Variants in MIPOL1 observed in about 807,000 individuals in gnomAD.
The protein encoded by MIPOL1 is mirror-image polydactyly gene 1 protein.
A neutral mutation model predicts 60.9 loss-of-function variants in MIPOL1; 57 were observed. The ratio of observed to expected loss-of-function variants is 0.94; its 90% CI spans 0.76 to 1.17. The LOEUF (loss-of-function observed/expected upper bound fraction) is 1.17. Among genes scored for constraint, MIPOL1 ranks in the 50% most tolerant of loss-of-function variants. The probability of loss-of-function intolerance (pLI) is 0.00; values close to 1 mark genes in which losing one functional copy is unlikely to be tolerated. For synonymous variants in MIPOL1, 179 were observed against 168.8 expected (o/e 1.06, Z -0.47); for missense variants, 551 against 511.6 (o/e 1.08, Z -0.74).
chr14:37,385,890 G>A (rs902068945), intron 10 of MIPOL1: 7 of 152,068 alleles, frequency 4.6e-5, no homozygotes, highest in South Asian at 4.2e-4. Flanking sequence ...GAACCAAAGT[G>A]GCCTAACATA....
At chr14:37,385,719 T>A (rs974850325) in intron 10 of MIPOL1, 21 of 151,908 alleles carry the variant, frequency 1.4e-4, no homozygotes, top group East Asian at 5.8e-4. Flanking sequence ...AACCATTTTT[T>A]AAAAAAAAGA....
At chr14:37,382,119 CT>C (rs2092940612) in intron 10 of MIPOL1, among the ~76,000 whole-genome samples, 1 of 151,938 alleles carries the variant, frequency 6.6e-6, no homozygotes. Context: ...ATGGTGAATG[CT>C]GGTCAAATGA....
Position 37,500,080 on chromosome 14 carries a change from G to A in MIPOL1, c.1204G>A (p.Glu402Lys), listed in dbSNP as rs1303904063. The A allele has an allele frequency of 2.5e-6, 4 of 1,613,584 alleles. No homozygotes were observed. In the African/African-American group the frequency reaches 5.3e-5, roughly 22 times the overall value. The change falls in exon 12 of 13, where the codon GAA (glutamate) becomes AAA (lysine). Residue 402 changes from glutamate (E) to lysine (K), a missense_variant. Transcript: ENST00000684589. Reference sequence around the variant, plus strand: ...AGCTCTGACAGAGCGAGCAAATATGGAATTACAACTTCAACATGCCAGAGA... The same window carrying A: ...AGCTCTGACAGAGCGAGCAAATATGAAATTACAACTTCAACATGCCAGAGA... ...QQALTERANM[E>K]LQLQHAREAS...
chr14:37,420,429 G>T (rs759825269), intron 10 of MIPOL1, among the ~76,000 whole-genome samples: 3 of 152,134 alleles, frequency 2.0e-5, no homozygotes, highest in Non-Finnish European at 4.4e-5. Context: ...GGAATAGGAT[G>T]CCTGAAAGAA....
chr14:37,473,643 A>T (rs956911452), intron 11 of MIPOL1, among the ~76,000 whole-genome samples: 6 of 152,158 alleles, frequency 3.9e-5, no homozygotes, highest in African/African-American at 1.4e-4. Flanking sequence ...GAGTTCCCAC[A>T]TAACCTCCCC....
chr14:37,224,553 G>C (rs1969376451), intron 1 of MIPOL1, among the ~76,000 whole-genome samples: 1 of 152,124 alleles, frequency 6.6e-6, no homozygotes. Context: ...ATCAGATCTT[G>C]TGAGACTTAT....
intron 11 of MIPOL1, among the ~76,000 whole-genome samples, chr14:37,487,416 C>G (rs771200364): frequency 6.6e-6 from 1 of 152,092 alleles, no homozygotes; most frequent in Non-Finnish European, 1.5e-5. Flanking sequence ...GGAATGGTAC[C>G]AGCTCTTCTT....
At chr14:37,516,205 C>T (rs2095368158) in intron 12 of MIPOL1, among the ~76,000 whole-genome samples, 1 of 152,114 alleles carries the variant, frequency 6.6e-6, no homozygotes, top group African/African-American at 2.4e-5. Context: ...ATGTGGTGTT[C>T]ATTTTTAAAT....
At chr14:37,350,944 C>A (rs1302969447) in intron 9 of MIPOL1, among the ~76,000 whole-genome samples, 1 of 151,962 alleles carries the variant, frequency 6.6e-6, no homozygotes, top group Non-Finnish European at 1.5e-5. Flanking sequence ...TTCTAGGGTA[C>A]ATGTGCACAT....
chr14:37,285,180 G>C, intron 6 of MIPOL1, 138 bp from the exon 7 acceptor site: 1 of 828,624 alleles, frequency 1.2e-6, no homozygotes, highest in East Asian at 2.8e-5. Context: ...AATATTTTAT[G>C]AATTGATTGA....
At chr14:37,427,887 A>G (rs2093992187) in intron 11 of MIPOL1, among the ~76,000 whole-genome samples, 1 of 152,184 alleles carries the variant, frequency 6.6e-6, no homozygotes, top group Middle Eastern at 3.2e-3. Context: ...GGAAATGAAA[A>G]GGTTCCATTT....
At chr14:37,291,373 T>C (rs2085039338) in intron 7 of MIPOL1, among the ~76,000 whole-genome samples, 1 of 152,222 alleles carries the variant, frequency 6.6e-6, no homozygotes, top group Admixed American at 6.5e-5. Context: ...TGATTGTGAA[T>C]CTTTCCTTTA....
chr14:37,333,614 G>A (rs1281755772), intron 9 of MIPOL1, among the ~76,000 whole-genome samples: 1 of 152,076 alleles, frequency 6.6e-6, no homozygotes, highest in Non-Finnish European at 1.5e-5. Flanking sequence ...AATATCAGAT[G>A]AAGTAGGCTT....
intron 11 of MIPOL1, among the ~76,000 whole-genome samples, chr14:37,480,509 G>T (rs1466005268): frequency 6.7e-6 from 1 of 149,062 alleles, no homozygotes; most frequent in Non-Finnish European, 1.5e-5. Context: ...ATCCTTTCAT[G>T]ATTAAAAAAA....
At position 37,477,362 on chromosome 14, in the gene MIPOL1, G is replaced by T. The variant is rs77106110; in HGVS notation, c.1032-22546G>T. ...CAGTGGGCCTGGTGCTTCCATTTTT[G>T]GAATGTTATTGATTATTTTATTGAA... On this transcript the variant is annotated intron_variant, in intron 11 of 12. Transcript: ENST00000684589. Among the ~76,000 whole-genome samples the T allele has an allele frequency of 8.2e-3, 1,243 of 151,840 alleles. 12 individuals carry two copies. Among genetic ancestry groups the T allele is most frequent in the Middle Eastern group, 0.014 (4 of 292 alleles).
At chr14:37,235,110 A>G (rs867204932) in intron 1 of MIPOL1, among the ~76,000 whole-genome samples, 3 of 152,124 alleles carry the variant, frequency 2.0e-5, no homozygotes, top group East Asian at 1.9e-4. Context: ...CTTAAAGCCT[A>G]TGTTCCCAAA....
chr14:37,337,965 C>G (rs185383363), intron 9 of MIPOL1, among the ~76,000 whole-genome samples: 264 of 151,954 alleles, frequency 1.7e-3, no homozygotes, highest in African/African-American at 3.8e-3. Context: ...AAAATTTACT[C>G]CTGTTTTTTC....
At chr14:37,514,483 A>T (rs1254593902) in intron 12 of MIPOL1, among the ~76,000 whole-genome samples, 1 of 152,212 alleles carries the variant, frequency 6.6e-6, no homozygotes, top group Non-Finnish European at 1.5e-5. Flanking sequence ...AACATTGCTC[A>T]ATCTCATTAG....
intron 3 of MIPOL1, 149 bp downstream of exon 3, chr14:37,248,056 G>A: frequency 1.5e-6 from 1 of 650,998 alleles, no homozygotes. Flanking sequence ...GAGACCCAGG[G>A]ATTATGAAAG....
Sources: allele counts gnomAD v4.1 joint callset (sites outside exome capture counted in the v4.1 genomes callset), GRCh38; gene constraint gnomAD v4.1.1; transcripts MANE v1.5; gene names NCBI Gene and HGNC (gene_info 2026-07-23, HGNC 2026-07-21).